MEGF10: variants seen among roughly 807,000 people sequenced by gnomAD.
MEGF10 encodes multiple EGF like domains 10.
MEGF10 carries 86 observed loss-of-function variants against 147.5 expected under a neutral mutation model. That is an observed-to-expected ratio of 0.58 (90% CI 0.49 to 0.70). The LOEUF is 0.70. Ranked by LOEUF, MEGF10 falls within the 30% of genes least tolerant of loss-of-function variation. The pLI, the probability that MEGF10 is intolerant of heterozygous loss-of-function variation, is 0.00. For missense variants in MEGF10, 1,329 were observed against 1,487.3 expected, an observed-to-expected ratio of 0.89 and a Z score of 1.75; for synonymous variants, 478 against 525.5, an observed-to-expected ratio of 0.91 and a Z score of 1.24.
chr5:127,352,522 G>A lies in MEGF10; in HGVS notation c.319+11892G>A, dbSNP rs189095498. On this transcript the variant is annotated intron_variant, in intron 4 of 24. Coordinates refer to ENST00000503335, the MANE Select transcript of MEGF10 (RefSeq NM_001256545.2). ...ACTAAAATACAAAAATTAGCTGGGC[G>A]TGGTGATGCACACCTATAATCCCAG... Among the ~76,000 whole-genome samples, 196 of 152,202 alleles carry A rather than the reference G, an allele frequency of 1.3e-3. 2 individuals are homozygous for A. The highest frequency in any genetic ancestry group is 2.8e-3 in the Admixed American group (43 of 15,286).
Position 127,340,631 on chromosome 5 carries a change from G to A in MEGF10, c.319+1G>A, listed in dbSNP as rs931073338. On this transcript the variant is annotated splice_donor_variant, in intron 4 of 24. Transcript: ENST00000503335. LOFTEE classifies it high-confidence loss of function. ...TATGAAAGCGGGGAAATGTGTGTCCGTAAGTAAGACTGTCACCCCTTTGAG... is the reference window on the plus strand; with the variant it reads ...TATGAAAGCGGGGAAATGTGTGTCCATAAGTAAGACTGTCACCCCTTTGAG... The A allele has an allele frequency of 4.3e-6, 7 of 1,610,646 alleles. No individual in the cohort carries two copies. Among genetic ancestry groups the A allele is most frequent in the Middle Eastern group, 1.6e-4 (1 of 6,064 alleles).
intron 18 of MEGF10, among the ~76,000 whole-genome samples, chr5:127,441,923 G>T (rs1294063660): frequency 1.3e-5 from 2 of 152,152 alleles, no homozygotes; most frequent in African/African-American, 4.8e-5. Flanking sequence ...TAACAAAAGT[G>T]ACGTCCAGGA....
chr5:127,393,907 A>G (rs1419325859), intron 5 of MEGF10, among the ~76,000 whole-genome samples: 1 of 151,464 alleles, frequency 6.6e-6, no homozygotes, highest in African/African-American at 2.4e-5. Context: ...AATGAGGTGT[A>G]GAACAGGGTT....
At chr5:127,394,881 C>A (rs1580809988) in intron 5 of MEGF10, among the ~76,000 whole-genome samples, 1 of 152,120 alleles carries the variant, frequency 6.6e-6, no homozygotes, top group African/African-American at 2.4e-5. Flanking sequence ...ACTAATGAGA[C>A]CAAAGTCATA....
chr5:127,333,101 T>C (rs1337223875), intron 2 of MEGF10, among the ~76,000 whole-genome samples: 1 of 152,144 alleles, frequency 6.6e-6, no homozygotes, highest in East Asian at 1.9e-4. Flanking sequence ...GTTTGCCATG[T>C]TGTGTTTATA....
At chr5:127,344,754 G>A (rs539001118) in intron 4 of MEGF10, among the ~76,000 whole-genome samples, 1 of 152,158 alleles carries the variant, frequency 6.6e-6, no homozygotes, top group Admixed American at 6.5e-5. Flanking sequence ...TTTTGAAATT[G>A]GATTTTTAAA....
chr5:127,419,306 G>C, intron 11 of MEGF10, 66 bp downstream of exon 11: 1 of 1,545,786 alleles, frequency 6.5e-7, no homozygotes, highest in African/African-American at 1.4e-5. Flanking sequence ...ACACAAAAAA[G>C]AAAAACCTTA....
chr5:127,285,993 T>A (rs1278049373), upstream of MEGF10, among the ~76,000 whole-genome samples: 1 of 152,098 alleles, frequency 6.6e-6, no homozygotes, highest in Non-Finnish European at 1.5e-5. Context: ...AAAATTGGAA[T>A]CGTGTTATTT....
intron 20 of MEGF10, among the ~76,000 whole-genome samples, chr5:127,446,460 T>C (rs1300798268): frequency 6.6e-6 from 1 of 152,094 alleles, no homozygotes; most frequent in African/African-American, 2.4e-5. Flanking sequence ...CTCAAGTGTT[T>C]AAAAAAAGGA....
the MEGF10 span, among the ~76,000 whole-genome samples, chr5:127,260,874 G>A: frequency 6.6e-6 from 1 of 152,134 alleles, no homozygotes; most frequent in Non-Finnish European, 1.5e-5. Flanking sequence ...GCTCCTGCAG[G>A]ACACCACAAC....
the MEGF10 span, among the ~76,000 whole-genome samples, chr5:127,251,655 A>G: frequency 2.6e-5 from 4 of 152,064 alleles, no homozygotes; most frequent in Non-Finnish European, 5.9e-5. Context: ...ACATTTAGAC[A>G]TATGCCTTAA....
chr5:127,432,769 A>G (rs1453246209), intron 13 of MEGF10, among the ~76,000 whole-genome samples: 1 of 152,244 alleles, frequency 6.6e-6, no homozygotes, highest in Non-Finnish European at 1.5e-5. Context: ...GACAACAGCT[A>G]CAAATAATGT....
chr5:127,437,936 C>T (rs1765618252), intron 16 of MEGF10, among the ~76,000 whole-genome samples: 1 of 152,216 alleles, frequency 6.6e-6, no homozygotes, highest in Non-Finnish European at 1.5e-5. Context: ...AGAGGCCTTC[C>T]TCAGAGGAGT....
intron 4 of MEGF10, among the ~76,000 whole-genome samples, chr5:127,349,849 C>T (rs1762028568): frequency 6.6e-6 from 1 of 152,094 alleles, no homozygotes; most frequent in Non-Finnish European, 1.5e-5. Context: ...TTTCCTAGTA[C>T]TAGTTTCAAA....
At chr5:127,444,267 C>T (rs1561650877) in intron 19 of MEGF10, 1 of 152,150 alleles carries the variant, frequency 6.6e-6, no homozygotes, top group Non-Finnish European at 1.5e-5. Flanking sequence ...AAACTGCAGA[C>T]CATGTAAATA....
chr5:127,364,963 A>G (rs917528432), intron 4 of MEGF10, among the ~76,000 whole-genome samples: 3 of 152,124 alleles, frequency 2.0e-5, no homozygotes, highest in Admixed American at 1.3e-4. Context: ...GAAATTACCC[A>G]TTTTCCTGAT....
At chr5:127,236,910 T>C in the MEGF10 span, among the ~76,000 whole-genome samples, 1 of 152,214 alleles carries the variant, frequency 6.6e-6, no homozygotes, top group Non-Finnish European at 1.5e-5. Context: ...GAGAATCCTT[T>C]CTTTCTTTTC....
intron 2 of MEGF10, among the ~76,000 whole-genome samples, chr5:127,333,865 G>C (rs552576252): frequency 1.3e-5 from 2 of 152,302 alleles, no homozygotes; most frequent in South Asian, 4.1e-4. Context: ...CCCAACAACT[G>C]TGCAAGTGAT....
chr5:127,417,175 G>A (rs1034438715), intron 9 of MEGF10, among the ~76,000 whole-genome samples: 3 of 152,214 alleles, frequency 2.0e-5, no homozygotes, highest in African/African-American at 7.2e-5. Context: ...TGCGGCTGCT[G>A]TTTCAGGTGG....
Sources: allele counts gnomAD v4.1 joint callset (sites outside exome capture counted in the v4.1 genomes callset), GRCh38; gene constraint gnomAD v4.1.1; transcripts MANE v1.5; gene names NCBI Gene and HGNC (gene_info 2026-07-23, HGNC 2026-07-21).